The following PDLIM5 variants were observed in gnomAD, a reference collection of about 807,000 sequenced individuals.
PDLIM5 encodes the protein PDZ and LIM domain protein 5.
Under a neutral mutation model 64.2 loss-of-function variants are expected in PDLIM5, and 34 were observed. The observed-to-expected ratio is 0.53, with a 90% confidence interval of 0.40 to 0.71. The LOEUF (loss-of-function observed/expected upper bound fraction) is 0.71, where lower values mean the gene tolerates loss of function less well. PDLIM5 is among the 30% of genes least tolerant of loss of function. The probability of loss-of-function intolerance (pLI) is 0.00; values close to 1 mark genes in which losing one functional copy is unlikely to be tolerated. For synonymous variants in PDLIM5, 253 were observed against 269.1 expected, an observed-to-expected ratio of 0.94 and a Z score of 0.59; for missense variants, 683 against 733.6, an observed-to-expected ratio of 0.93 and a Z score of 0.80.
intron 8 of PDLIM5, among the ~76,000 whole-genome samples, chr4:94,637,995 C>A (rs1740702933): frequency 6.6e-6 from 1 of 152,020 alleles, no homozygotes; most frequent in Admixed American, 6.5e-5. Flanking sequence ...GGGGACTAAC[C>A]CTTGGGGACA....
chr4:94,536,899 A>G (rs1437151389), intron 3 of PDLIM5, among the ~76,000 whole-genome samples: 1 of 152,216 alleles, frequency 6.6e-6, no homozygotes, highest in Non-Finnish European at 1.5e-5. Context: ...ATGTGAGTTG[A>G]AAAGTACATG....
rs574749992 is a variant in PDLIM5 at position 94,637,073 on chromosome 4, A to G, written c.1109-3203A>G. ...TCACAGAGGCAGTGTCTGGTGTGGCATGTTCAAGGGATAGTGAATAAACTA... is the reference window on the plus strand; with the variant it reads ...TCACAGAGGCAGTGTCTGGTGTGGCGTGTTCAAGGGATAGTGAATAAACTA... On this transcript the variant is annotated intron_variant, in intron 8 of 12. Coordinates refer to ENST00000317968, the MANE Select transcript of PDLIM5 (RefSeq NM_006457.5). Among the ~76,000 whole-genome samples the G allele has an allele frequency of 5.9e-4, 90 of 152,246 alleles. 2 individuals carry two copies. In the South Asian group the frequency reaches 0.018, roughly 31 times the overall value.
At chr4:94,641,478 A>G (rs1740999487) in intron 9 of PDLIM5, among the ~76,000 whole-genome samples, 1 of 152,178 alleles carries the variant, frequency 6.6e-6, no homozygotes, top group African/African-American at 2.4e-5. Context: ...GCCATTCAAA[A>G]CTGAATAGTT....
chr4:94,657,097 A>G (rs1742271112), intron 10 of PDLIM5, among the ~76,000 whole-genome samples: 1 of 152,206 alleles, frequency 6.6e-6, no homozygotes, highest in Non-Finnish European at 1.5e-5. Context: ...ACCCTTTGAG[A>G]AGAAGCAGAA....
intron 7 of PDLIM5, among the ~76,000 whole-genome samples, chr4:94,592,637 T>C (rs1736752485): frequency 6.6e-6 from 1 of 152,192 alleles, no homozygotes; most frequent in Non-Finnish European, 1.5e-5. Context: ...TTGTTTTGTT[T>C]TGTTTTTTGA....
intron 9 of PDLIM5, among the ~76,000 whole-genome samples, chr4:94,642,322 G>A (rs1272696686): frequency 1.3e-5 from 2 of 152,110 alleles, no homozygotes; most frequent in African/African-American, 2.4e-5. Flanking sequence ...ATGATATCCT[G>A]TAATCACCAC....
intron 2 of PDLIM5, among the ~76,000 whole-genome samples, chr4:94,463,738 G>A (rs1724103804): frequency 6.6e-6 from 1 of 152,230 alleles, no homozygotes; most frequent in Admixed American, 6.5e-5. Flanking sequence ...AACTGTATGT[G>A]TGGTTTTGAA....
intron 1 of PDLIM5, among the ~76,000 whole-genome samples, chr4:94,453,824 T>C (rs898415913): frequency 6.6e-6 from 1 of 152,218 alleles, no homozygotes; most frequent in South Asian, 2.1e-4. Flanking sequence ...GGATCTTTTT[T>C]AGTGCTCTGT....
At position 94,654,657 on chromosome 4, in the gene PDLIM5, T is replaced by A; in HGVS notation, c.1464+17T>A. ...ATCCTTGGAGTAAGTATTGGAAACGTTTTTATTCTGAATGAGTTTTAAAGT... is the reference window on the plus strand; with the variant it reads ...ATCCTTGGAGTAAGTATTGGAAACGATTTTATTCTGAATGAGTTTTAAAGT... On this transcript the variant is annotated intron_variant, in intron 10 of 12. Transcript: ENST00000317968. 1 of 1,527,434 alleles carries A rather than the reference T, an allele frequency of 6.5e-7. No homozygotes were observed. Among genetic ancestry groups the A allele is most frequent in the East Asian group, 2.3e-5 (1 of 44,284 alleles). The allele number at this position is 1,527,434 out of a possible 1,614,324, so 94.6% of individuals were successfully genotyped here. A position where few individuals can be genotyped will look rare whatever the true frequency, so the allele number is the denominator to read the frequency against.
Position 94,469,123 on chromosome 4 carries a change from A to G in PDLIM5, c.96+13739A>G, listed in dbSNP as rs140373783. Among the ~76,000 whole-genome samples, 570 of 152,348 alleles carry G rather than the reference A, an allele frequency of 3.7e-3. 6 individuals are homozygous for G. The highest frequency in any genetic ancestry group is 0.012 in the African/African-American group (516 of 41,578). ...TGGCAGACAGAATCATTTATTCTGT[A>G]TCTTTATTGAGTGCCAGCTATGTGC... On this transcript the variant is annotated intron_variant, in intron 2 of 12. Transcript: ENST00000317968.
intron 3 of PDLIM5, among the ~76,000 whole-genome samples, chr4:94,557,591 G>T (rs1482707309): frequency 6.6e-6 from 1 of 152,136 alleles, no homozygotes; most frequent in Admixed American, 6.6e-5. Context: ...TTGAGCAGTG[G>T]TTTGTAGTTC....
chr4:94,656,308 C>T (rs1263898756), intron 10 of PDLIM5, among the ~76,000 whole-genome samples: 1 of 152,016 alleles, frequency 6.6e-6, no homozygotes, highest in East Asian at 1.9e-4. Context: ...ATTTTAATGG[C>T]TCCATCTTTC....
chr4:94,456,922 T>C, intron 2 of PDLIM5: 2 of 998,996 alleles, frequency 2.0e-6, no homozygotes, highest in Non-Finnish European at 2.4e-6. Flanking sequence ...TGCTGTGCGC[T>C]CACATGACTG....
chr4:94,581,244 T>TA (rs1265035288), intron 5 of PDLIM5, among the ~76,000 whole-genome samples: 2 of 152,186 alleles, frequency 1.3e-5, no homozygotes, highest in Non-Finnish European at 2.9e-5. Context: ...TTTTCTAAAA[T>TA]ATGTAAAAAT....
intron 9 of PDLIM5, among the ~76,000 whole-genome samples, chr4:94,641,487 T>G (rs1741000556): frequency 6.6e-6 from 1 of 152,146 alleles, no homozygotes; most frequent in Admixed American, 6.5e-5. Flanking sequence ...AACTGAATAG[T>G]TTTTTTGTTT....
At chr4:94,654,981 G>A (rs904706603) in intron 10 of PDLIM5, among the ~76,000 whole-genome samples, 1 of 152,110 alleles carries the variant, frequency 6.6e-6, no homozygotes, top group Non-Finnish European at 1.5e-5. Context: ...ACACATCTGA[G>A]TTCTTAGAAC....
intron 9 of PDLIM5, among the ~76,000 whole-genome samples, chr4:94,648,622 A>G (rs539361356): frequency 6.6e-6 from 1 of 152,282 alleles, no homozygotes; most frequent in Non-Finnish European, 1.5e-5. Flanking sequence ...TTTCTGTGTC[A>G]TGAGTCTATG....
intron 7 of PDLIM5, among the ~76,000 whole-genome samples, chr4:94,593,602 A>G (rs561988658): frequency 1.3e-5 from 2 of 152,156 alleles, no homozygotes; most frequent in African/African-American, 4.8e-5. Context: ...CATCAGTTCT[A>G]TTGGGTCAGG....
At chr4:94,494,081 T>G (rs1196980833) in intron 2 of PDLIM5, among the ~76,000 whole-genome samples, 1 of 152,104 alleles carries the variant, frequency 6.6e-6, no homozygotes, top group African/African-American at 2.4e-5. Flanking sequence ...CACTTCAGCC[T>G]CCCGAGTAGT....
Sources: gnomAD v4.1 joint callset for allele counts (sites outside exome capture counted in the v4.1 genomes callset) on GRCh38, gnomAD v4.1.1 for gene constraint, MANE v1.5 for transcripts, NCBI Gene and HGNC (gene_info 2026-07-23, HGNC 2026-07-21) for gene names.